FBXL19: variants seen among roughly 807,000 people sequenced by gnomAD.
FBXL19 encodes the protein F-box and leucine rich repeat protein 19.
A neutral mutation model predicts 71.2 loss-of-function variants in FBXL19; 16 were observed. The ratio of observed to expected loss-of-function variants is 0.22; its 90% CI spans 0.15 to 0.34. FBXL19 has a LOEUF of 0.34. FBXL19 is among the 10% of genes least tolerant of loss of function. The pLI, the probability that FBXL19 is intolerant of heterozygous loss-of-function variation, is 1.00. For missense variants in FBXL19, 658 were observed against 968.2 expected, an observed-to-expected ratio of 0.68 and a Z score of 4.25; for synonymous variants, 447 against 409.4, an observed-to-expected ratio of 1.09 and a Z score of -1.11.
In FBXL19 at chr16:30,930,068, T is replaced by G; in HGVS notation, c.790-5T>G. ...TAGAACAGCATCAACCCTGTCTCCC[T>G]GCAGAAACCAAAGCCGCCTTTGGCC... On this transcript the variant is annotated splice_polypyrimidine_tract_variant and splice_region_variant and intron_variant, in intron 6 of 10. Transcript: ENST00000338343. The surrounding 1 kb of genome is among the most constrained non-coding windows in gnomAD (Gnocchi z 8.5). 2.5e-6 allele frequency: 4 copies of G among 1,609,244 alleles called. No individual in the cohort carries two copies. Among genetic ancestry groups the G allele is most frequent in the Non-Finnish European group, 3.4e-6 (4 of 1,176,748 alleles).
chr16:30,942,594 C>G lies in FBXL19; in HGVS notation c.1627+58C>G. 2.0e-6 allele frequency: 3 copies of G among 1,486,976 alleles called. No individual in the cohort carries two copies. The highest frequency in any genetic ancestry group is 2.7e-6 in the Non-Finnish European group (3 of 1,117,428). 92.1% of individuals were successfully genotyped at this position (1,486,976 alleles called of 1,614,324 possible). A position where few individuals can be genotyped will look rare whatever the true frequency, so the allele number is the denominator to read the frequency against. On this transcript the variant is annotated intron_variant, in intron 9 of 10. Coordinates refer to ENST00000338343, the MANE Select transcript of FBXL19 (RefSeq NM_001382779.1). The surrounding 1 kb of genome is among the most constrained non-coding windows in gnomAD (Gnocchi z 5.7). ...GCTGGGCAAGGGTAGGGTAGGAGGC[C>G]TCTCAGGTCTCTTCTGACTCATGCT... is the stretch of plus-strand genomic sequence containing the variant.
rs1348527648 is a variant in FBXL19 at position 30,942,731 on chromosome 16, TGAAAG to T, written c.1627+199_1627+203del. Among the ~76,000 whole-genome samples the T allele has an allele frequency of 6.6e-6, 1 of 152,242 alleles. No homozygotes were observed. The highest frequency in any genetic ancestry group is 2.1e-4 in the South Asian group (1 of 4,836). On this transcript the variant is annotated intron_variant, in intron 9 of 10. Transcript: ENST00000338343. This position sits in a 1 kb window ranked among gnomAD's most constrained non-coding sequence, Gnocchi z 5.7. ...CTGCTGTGTACTTTGAACTGAGTCTTGAAAGGAACAGGGTTTTCCCAGGGAGTGTG... is the reference window on the plus strand; with the variant it reads ...CTGCTGTGTACTTTGAACTGAGTCTTGAACAGGGTTTTCCCAGGGAGTGTG...
At position 30,942,584 on chromosome 16, in the gene FBXL19, G is replaced by T; in HGVS notation, c.1627+48G>T. ...TGGAGAATGGGCTGGGCAAGGGTAG[G>T]GTAGGAGGCCTCTCAGGTCTCTTCT... On this transcript the variant is annotated intron_variant, in intron 9 of 10. Coordinates refer to ENST00000338343, the MANE Select transcript of FBXL19 (RefSeq NM_001382779.1). The surrounding 1 kb of genome is among the most constrained non-coding windows in gnomAD (Gnocchi z 5.7). 6.6e-7 allele frequency: 1 copy of T among 1,508,820 alleles called. No homozygotes were observed. Among genetic ancestry groups the T allele is most frequent in the Non-Finnish European group, 8.9e-7 (1 of 1,127,182 alleles). 93.5% of individuals were successfully genotyped at this position (1,508,820 alleles called of 1,614,324 possible).
At position 30,923,744 on chromosome 16, in the gene FBXL19, G is replaced by C. The variant is rs952726943; in HGVS notation, c.-740G>C. 2.7e-5 allele frequency among the ~76,000 whole-genome samples: 4 copies of C among 149,388 alleles called. No homozygotes were observed. The highest frequency in any genetic ancestry group is 5.9e-5 in the Non-Finnish European group (4 of 67,254). On this transcript the variant is annotated 5_prime_UTR_variant, in exon 1 of 11. Transcript: ENST00000338343. The stretch of plus-strand genomic sequence containing the variant: ...TTCCACCCTCCCGCTTGAGGAGGGG[G>C]ATTTATTCAAATTTTATTTAAATCC...
chr16:30,943,578 G>A (rs1421032183), intron 9 of FBXL19, among the ~76,000 whole-genome samples: 1 of 151,948 alleles, frequency 6.6e-6, no homozygotes, highest in African/African-American at 2.4e-5. Context: ...GTTTCACTGT[G>A]TTAGCCAGGA....
chr16:30,930,038 G>A lies in FBXL19; in HGVS notation c.790-35G>A. 6.3e-7 allele frequency: 1 copy of A among 1,583,804 alleles called. No individual in the cohort carries two copies. Among genetic ancestry groups the A allele is most frequent in the Non-Finnish European group, 8.6e-7 (1 of 1,161,952 alleles). On this transcript the variant is annotated intron_variant, in intron 6 of 10. Transcript: ENST00000338343. This position sits in a 1 kb window ranked among gnomAD's most constrained non-coding sequence, Gnocchi z 8.5. ...TAGGGGGGTGGGAAAATGTATCCCAGGCCCTAGAACAGCATCAACCCTGTC... is the reference window on the plus strand; with the variant it reads ...TAGGGGGGTGGGAAAATGTATCCCAAGCCCTAGAACAGCATCAACCCTGTC...
intron 7 of FBXL19, among the ~76,000 whole-genome samples, chr16:30,934,510 T>C (rs1465936912): frequency 6.6e-6 from 1 of 151,898 alleles, no homozygotes; most frequent in Non-Finnish European, 1.5e-5. Flanking sequence ...ATACAAAAAT[T>C]AGCTGGGCAT....
chr16:30,932,471 G>A (rs941698134), intron 7 of FBXL19, among the ~76,000 whole-genome samples: 1 of 152,212 alleles, frequency 6.6e-6, no homozygotes, highest in African/African-American at 2.4e-5. Context: ...AACGGGAGAC[G>A]TGTGGCCCGA....
chr16:30,924,398 A>C lies in FBXL19; in HGVS notation c.-86A>C. ...GCGCCGCCCGGCCCCCCCGCCGCCGATGGCCGCCGACCCGCCGGGAGCTGC... is the reference window on the plus strand; with the variant it reads ...GCGCCGCCCGGCCCCCCCGCCGCCGCTGGCCGCCGACCCGCCGGGAGCTGC... On this transcript the variant is annotated 5_prime_UTR_variant, in exon 1 of 11. It removes an upstream start codon present in the reference 5' UTR. Transcript: ENST00000338343. The C allele has an allele frequency of 3.5e-5, 7 of 202,842 alleles. No homozygotes were observed. The highest frequency in any genetic ancestry group is 4.7e-5 in the African/African-American group (2 of 42,922). The allele number at this position is 202,842 out of a possible 1,614,324, so 12.6% of individuals were successfully genotyped here. A position where few individuals can be genotyped will look rare whatever the true frequency, so the allele number is the denominator to read the frequency against.
chr16:30,928,080 C>T, intron 5 of FBXL19, 117 bp downstream of exon 5: 2 of 680,986 alleles, frequency 2.9e-6, no homozygotes, highest in South Asian at 2.1e-5. Flanking sequence ...TCCCCAAGGA[C>T]TGTTGGGAGA....
chr16:30,927,474 G>A (rs769601680), intron 3 of FBXL19, 23 bp downstream of exon 3: 14 of 1,579,508 alleles, frequency 8.9e-6, no homozygotes, highest in Middle Eastern at 1.7e-4. Flanking sequence ...GGACCCCGGC[G>A]TCTGGGGTGG....
At chr16:30,923,314 T>C (rs116901551), upstream of FBXL19, 30 of 424,002 alleles carry the variant, frequency 7.1e-5, no homozygotes, top group East Asian at 1.8e-3. Context: ...ACTCCCGGCA[T>C]CCTCGGCTCC....
chr16:30,947,048 C>G lies in FBXL19; in HGVS notation c.1847-4C>G. 1.3e-6 allele frequency: 2 copies of G among 1,589,838 alleles called. No individual in the cohort carries two copies. Among genetic ancestry groups the G allele is most frequent in the South Asian group, 2.3e-5 (2 of 88,636 alleles). On this transcript the variant is annotated splice_polypyrimidine_tract_variant and splice_region_variant and intron_variant, in intron 10 of 10. Transcript: ENST00000338343. ...TGGTCTCAGCTCCACTGCCCCATCC[C>G]CAGGTTGCCACCGCCTAACGGACCA...
intron 6 of FBXL19, among the ~76,000 whole-genome samples, chr16:30,929,362 C>T (rs1302013983): frequency 2.0e-5 from 3 of 152,122 alleles, no homozygotes; most frequent in Non-Finnish European, 4.4e-5. Context: ...CTCGTGGGGC[C>T]AATCACTGTT....
At chr16:30,926,009 C>G in intron 2 of FBXL19, 78 bp downstream of exon 2, 1 of 1,390,584 alleles carries the variant, frequency 7.2e-7, no homozygotes. Context: ...TGCCTCCCAG[C>G]CTGTACTGTG....
At position 30,946,649 on chromosome 16, in the gene FBXL19, A is replaced by T; in HGVS notation, c.1628-81A>T. On this transcript the variant is annotated intron_variant, in intron 9 of 10. Coordinates refer to ENST00000338343, the MANE Select transcript of FBXL19 (RefSeq NM_001382779.1). This position sits in a 1 kb window ranked among gnomAD's most constrained non-coding sequence, Gnocchi z 6.7. ...CAGGTCACTCACTTATGTGGGAAGC[A>T]GGTGGAGGGCAGATGGTCTGGATAC... is the stretch of plus-strand genomic sequence containing the variant. 7.5e-7 allele frequency: 1 copy of T among 1,339,754 alleles called. No individual in the cohort carries two copies. The highest frequency in any genetic ancestry group is 1.3e-5 in the South Asian group (1 of 74,992). The allele number at this position is 1,339,754 out of a possible 1,614,324, so 83.0% of individuals were successfully genotyped here. A position where few individuals can be genotyped will look rare whatever the true frequency, so the allele number is the denominator to read the frequency against.
intron 7 of FBXL19, among the ~76,000 whole-genome samples, chr16:30,934,994 T>G (rs2055715893): frequency 2.0e-5 from 3 of 152,192 alleles, no homozygotes; most frequent in African/African-American, 7.2e-5. Context: ...GAGGAGCTCA[T>G]GGCCAGAGGT....
intron 9 of FBXL19, among the ~76,000 whole-genome samples, chr16:30,943,839 TC>T (rs1293746228): frequency 6.6e-6 from 1 of 152,114 alleles, no homozygotes; most frequent in Admixed American, 6.5e-5. Flanking sequence ...TTCACCCCTC[TC>T]TTTCATAGTT....
chr16:30,942,661 T>A lies in FBXL19; in HGVS notation c.1627+125T>A. 1 of 1,414,508 alleles carries A rather than the reference T, an allele frequency of 7.1e-7. No individual in the cohort carries two copies. The highest frequency in any genetic ancestry group is 9.2e-7 in the Non-Finnish European group (1 of 1,083,728). 87.6% of individuals were successfully genotyped at this position (1,414,508 alleles called of 1,614,324 possible). ...GAAGAAAGGAAAGAATACATGAGTT[T>A]GAATAGGAAGGCCCTGGTTGGGCAT... On this transcript the variant is annotated intron_variant, in intron 9 of 10. Transcript: ENST00000338343. The surrounding 1 kb of genome is among the most constrained non-coding windows in gnomAD (Gnocchi z 5.7).
Sources: allele counts gnomAD v4.1 joint callset (sites outside exome capture counted in the v4.1 genomes callset), GRCh38; gene constraint gnomAD v4.1.1; non-coding constraint Gnocchi (gnomAD v3.1); transcripts MANE v1.5; gene names NCBI Gene and HGNC (gene_info 2026-07-23, HGNC 2026-07-21).